CUX1: variants seen among roughly 807,000 people sequenced by gnomAD.
The protein encoded by CUX1 is cut like homeobox 1.
Under a neutral mutation model 158.8 loss-of-function variants are expected in CUX1, and 31 were observed. The observed-to-expected ratio is 0.20, with a 90% confidence interval of 0.15 to 0.26. CUX1 has a LOEUF of 0.26. Ranked by LOEUF, CUX1 falls within the 10% of genes least tolerant of loss-of-function variation. The pLI, the probability that CUX1 is intolerant of heterozygous loss-of-function variation, is 1.00. For synonymous variants in CUX1, 879 were observed against 862.1 expected, an observed-to-expected ratio of 1.02 and a Z score of -0.34; for missense variants, 1,589 against 2,014.6, an observed-to-expected ratio of 0.79 and a Z score of 4.04.
chr7:102,249,707 A>G lies in CUX1; in HGVS notation c.*665A>G, dbSNP rs112770956. On this transcript the variant is annotated 3_prime_UTR_variant, in exon 24 of 24. Coordinates refer to ENST00000292535, the MANE Select transcript of CUX1 (RefSeq NM_181552.4). ...GGGGGTGGGATTTTTCAGAAAAATT[A>G]AAAAAGAAAGTTTTTGTAGCTGTTC... 52,581 of 985,650 alleles carry G rather than the reference A, an allele frequency of 0.053. 1,515 individuals are homozygous for G. Among genetic ancestry groups the G allele is most frequent in the Non-Finnish European group, 0.059 (48,746 of 829,820 alleles). The allele number at this position is 985,650 out of a possible 1,614,324, so 61.1% of individuals were successfully genotyped here.
chr7:101,846,153 G>T (rs1158592859), intron 1 of CUX1, among the ~76,000 whole-genome samples: 1 of 152,132 alleles, frequency 6.6e-6, no homozygotes, highest in East Asian at 1.9e-4. Context: ...CCTTTAAAAA[G>T]GAATGATTGG....
intron 4 of CUX1, among the ~76,000 whole-genome samples, chr7:102,077,515 C>A (rs1585559353): frequency 1.5e-5 from 2 of 134,742 alleles, no homozygotes; most frequent in South Asian, 5.4e-4. Flanking sequence ...CATAGCAAAA[C>A]CCCCCATCTC....
At chr7:101,970,341 G>A (rs371429797) in intron 2 of CUX1, among the ~76,000 whole-genome samples, 12 of 152,014 alleles carry the variant, frequency 7.9e-5, no homozygotes, top group African/African-American at 2.7e-4. Flanking sequence ...AGAGCCGCCT[G>A]ACCCTTCCTT....
intron 20 of CUX1, 144 bp downstream of exon 20, chr7:102,205,314 C>T (rs1554520804): frequency 1.5e-5 from 10 of 652,042 alleles, no homozygotes; most frequent in African/African-American, 7.2e-5. Context: ...TATCTGCAAA[C>T]GGGGTCCCTC....
Position 102,248,621 on chromosome 7 carries a change from TGCCGCGGCCGGCGGAGCAGACGGAGCC to T in CUX1, c.4103_4129del (p.Arg1368_Pro1376del), listed in dbSNP as rs1554537942. 10 of 1,429,996 alleles carry T rather than the reference TGCCGCGGCCGGCGGAGCAGACGGAGCC, an allele frequency of 7.0e-6. No homozygotes were observed. The highest frequency in any genetic ancestry group is 9.1e-6 in the Non-Finnish European group (10 of 1,096,732). The allele number at this position is 1,429,996 out of a possible 1,614,324, so 88.6% of individuals were successfully genotyped here. A position where few individuals can be genotyped will look rare whatever the true frequency, so the allele number is the denominator to read the frequency against. ...CAGGGAGAGGCCGAGCGGGAGGAGG[TGCCGCGGCCGGCGGAGCAGACGGAGCC>T]GCCGCCCTCGGGGACCCCGGGCCCG... is the stretch of plus-strand genomic sequence containing the variant. On this transcript the variant is annotated inframe_deletion, in exon 24 of 24. Transcript: ENST00000292535. This position sits in a 1 kb window ranked among gnomAD's most constrained non-coding sequence, Gnocchi z 5.8.
Position 102,233,922 on chromosome 7 carries a change from G to A in CUX1, c.3434-130G>A, listed in dbSNP as rs550494442. 484 of 562,634 alleles carry A rather than the reference G, an allele frequency of 8.6e-4. 6 individuals carry two copies. In the South Asian group the frequency reaches 0.012, roughly 14 times the overall value. The allele number at this position is 562,634 out of a possible 1,614,324, so 34.9% of individuals were successfully genotyped here. On this transcript the variant is annotated intron_variant, in intron 21 of 23. Coordinates refer to ENST00000292535, the MANE Select transcript of CUX1 (RefSeq NM_181552.4). The stretch of plus-strand genomic sequence containing the variant: ...TATTTCTACCACATGTTTGCTGTAA[G>A]CTAGGATGTCACCAGCCCAACCCTG...
At chr7:102,195,890 C>T (rs868972942) in intron 14 of CUX1, among the ~76,000 whole-genome samples, 55 of 152,182 alleles carry the variant, frequency 3.6e-4, no homozygotes, top group Middle Eastern at 3.2e-3. Flanking sequence ...GCTCGGAGGA[C>T]GTCGGCCTTT....
rs1313936502 is a variant in CUX1, at chr7:102,196,702, C to G, written c.1291C>G (p.Pro431Ala). The change falls in exon 15 of 24, where the codon CCT becomes GCT. Residue 431 changes from proline to alanine, a missense_variant. Transcript: ENST00000292535. The part of the protein sequence containing the change: ...RRPGSLPAPP[P>A]SQLPRNPGEQ... ...CCCGGGATCTTTGCCGGCCCCCCCTCCTTCTCAGTTGCCCCGCAACCCGGG... is the reference window on the plus strand; with the variant it reads ...CCCGGGATCTTTGCCGGCCCCCCCTGCTTCTCAGTTGCCCCGCAACCCGGG... 3 of 1,608,566 alleles carry G rather than the reference C, an allele frequency of 1.9e-6. No homozygotes were observed. Among genetic ancestry groups the G allele is most frequent in the Non-Finnish European group, 2.5e-6 (3 of 1,176,474 alleles).
chr7:101,914,439 C>T (rs1046487459), intron 1 of CUX1, among the ~76,000 whole-genome samples: 1 of 139,332 alleles, frequency 7.2e-6, no homozygotes. Context: ...TCCGTCCTTC[C>T]CTCCCTCCGT....
exon 23 of CUX1, chr7:102,283,506 C>G (rs1274952994): frequency 5.3e-6 from 1 of 190,132 alleles, no homozygotes; most frequent in Admixed American, 5.3e-5. Flanking sequence ...CCCCCCATGC[C>G]CCGTAAGAGG....
intron 1 of CUX1, among the ~76,000 whole-genome samples, chr7:101,871,944 G>A (rs999211786): frequency 1.3e-5 from 2 of 151,598 alleles, no homozygotes; most frequent in Admixed American, 6.6e-5. Flanking sequence ...CTTGAACCCC[G>A]GAAGTGGAGG....
intron 10 of CUX1, among the ~76,000 whole-genome samples, chr7:102,175,122 AGT>A (rs1554511455): frequency 1.3e-5 from 2 of 152,308 alleles, no homozygotes; most frequent in South Asian, 2.1e-4. Context: ...GGAGTTGGCC[AGT>A]GTGGCCGAGC....
intron 1 of CUX1, among the ~76,000 whole-genome samples, chr7:101,827,241 C>CGTCCTT (rs1793408740): frequency 2.8e-5 from 2 of 72,474 alleles, no homozygotes; most frequent in Non-Finnish European, 5.8e-5. Flanking sequence ...TCTCCCCTCC[C>CGTCCTT]CTCCTTCTCT....
chr7:102,095,307 G>A (rs1023946229), intron 4 of CUX1, among the ~76,000 whole-genome samples: 6 of 152,006 alleles, frequency 3.9e-5, no homozygotes, highest in Non-Finnish European at 7.4e-5. Context: ...CACTGCAGCC[G>A]GCCTCCAAAA....
chr7:101,910,320 T>C (rs1803274809), intron 1 of CUX1, among the ~76,000 whole-genome samples: 1 of 152,104 alleles, frequency 6.6e-6, no homozygotes, highest in South Asian at 2.1e-4. Context: ...CTAATTTTTG[T>C]ATTTTTTGTA....
rs1322341532 is a variant in CUX1 at position 102,257,998 on chromosome 7, T to C, written c.*8956T>C. On this transcript the variant is annotated 3_prime_UTR_variant, in exon 24 of 24. Transcript: ENST00000292535. ...TTTTATTTCTTGCTATTTGTTTTTC[T>C]ACATTAAGAGTCAAAGTTGACCTGG... 1.0e-6 allele frequency: 1 copy of C among 984,876 alleles called. No homozygotes were observed. Among genetic ancestry groups the C allele is most frequent in the Non-Finnish European group, 1.2e-6 (1 of 829,860 alleles). The allele number at this position is 984,876 out of a possible 1,614,324, so 61.0% of individuals were successfully genotyped here.
intron 2 of CUX1, among the ~76,000 whole-genome samples, chr7:101,985,703 T>C (rs1175952389): frequency 6.6e-6 from 1 of 152,206 alleles, no homozygotes; most frequent in Non-Finnish European, 1.5e-5. Context: ...GCCACCACCC[T>C]GTTTTGAGGA....
At chr7:101,999,561 G>A (rs1476527740) in intron 2 of CUX1, among the ~76,000 whole-genome samples, 2 of 152,110 alleles carry the variant, frequency 1.3e-5, no homozygotes, top group East Asian at 1.9e-4. Context: ...ACCACTCCTC[G>A]AAGCACCCCA....
intron 6 of CUX1, among the ~76,000 whole-genome samples, chr7:102,105,661 C>T (rs1464492716): frequency 2.0e-5 from 3 of 151,716 alleles, no homozygotes; most frequent in Non-Finnish European, 4.4e-5. Flanking sequence ...TACAGGCATG[C>T]GCCACCACGC....
Sources: allele counts gnomAD v4.1 joint callset (sites outside exome capture counted in the v4.1 genomes callset), GRCh38; gene constraint gnomAD v4.1.1; non-coding constraint Gnocchi (gnomAD v3.1); transcripts MANE v1.5; gene names NCBI Gene and HGNC (gene_info 2026-07-23, HGNC 2026-07-21).